The following RBFOX1 variants were observed in gnomAD, a reference collection of about 807,000 sequenced individuals.
RBFOX1 encodes the protein RNA binding protein fox-1 homolog 1.
A neutral mutation model predicts 57.7 loss-of-function variants in RBFOX1; 8 were observed. The observed-to-expected ratio is 0.14, with a 90% CI of 0.08 to 0.25. RBFOX1 has a LOEUF of 0.25. Among genes scored for constraint, RBFOX1 ranks in the 10% least tolerant of loss-of-function variants. RBFOX1 has a pLI of 1.00. For synonymous variants in RBFOX1, 326 were observed against 222.4 expected (o/e 1.47, Z -4.15); for missense variants, 611 against 548.5 (o/e 1.11, Z -1.14).
intron 1 of RBFOX1, among the ~76,000 whole-genome samples, chr16:6,129,619 G>C (rs193109117): frequency 6.6e-6 from 1 of 151,292 alleles, no homozygotes; most frequent in Non-Finnish European, 1.5e-5. Flanking sequence ...TGAAGTAAGC[G>C]GTGAAAATTT....
chr16:7,629,255 G>A (rs537858787), intron 10 of RBFOX1, among the ~76,000 whole-genome samples: 4 of 152,138 alleles, frequency 2.6e-5, no homozygotes, highest in Admixed American at 2.0e-4. Context: ...ACTGTCCCTT[G>A]ATGACATCAC....
At chr16:7,464,118 C>T (rs1466843042) in intron 4 of RBFOX1, among the ~76,000 whole-genome samples, 1 of 152,172 alleles carries the variant, frequency 6.6e-6, no homozygotes, top group Non-Finnish European at 1.5e-5. Context: ...TTGCCACTCC[C>T]TTCTGGTGCT....
At chr16:7,219,041 C>A (rs964006751) in intron 4 of RBFOX1, among the ~76,000 whole-genome samples, 2 of 152,154 alleles carry the variant, frequency 1.3e-5, no homozygotes, top group Middle Eastern at 3.2e-3. Flanking sequence ...CGGAGCCAGA[C>A]AAAGCACGCC....
At chr16:6,400,355 A>G (rs538811360) in intron 2 of RBFOX1, among the ~76,000 whole-genome samples, 2 of 152,348 alleles carry the variant, frequency 1.3e-5, no homozygotes, top group East Asian at 3.9e-4. Flanking sequence ...AATGACTCTC[A>G]CATTAATGCA....
chr16:7,331,292 A>T (rs184113031), intron 4 of RBFOX1, among the ~76,000 whole-genome samples: 3 of 152,202 alleles, frequency 2.0e-5, no homozygotes, highest in African/African-American at 7.2e-5. Flanking sequence ...AACAAAATCT[A>T]TATCAAGTGT....
chr16:5,981,982 C>G (rs2060183590), intron 4 of RBFOX1, among the ~76,000 whole-genome samples: 1 of 152,198 alleles, frequency 6.6e-6, no homozygotes, highest in Admixed American at 6.5e-5. Flanking sequence ...ATGAAAAACG[C>G]TTATCTAAAG....
intron 3 of RBFOX1, among the ~76,000 whole-genome samples, chr16:6,687,025 T>G (rs1213751362): frequency 6.6e-6 from 1 of 152,230 alleles, no homozygotes; most frequent in Non-Finnish European, 1.5e-5. Context: ...ATGGTTAAAC[T>G]CATTTCAGAA....
At chr16:5,330,507 A>G (rs74910323) in intron 1 of RBFOX1, among the ~76,000 whole-genome samples, 313 of 152,156 alleles carry the variant, frequency 2.1e-3, no homozygotes, top group African/African-American at 7.1e-3. Context: ...GGTTCGAGCA[A>G]TTCTCCTGCC....
chr16:6,923,938 G>A (rs2075028169), intron 3 of RBFOX1, among the ~76,000 whole-genome samples: 1 of 152,056 alleles, frequency 6.6e-6, no homozygotes, highest in African/African-American at 2.4e-5. Context: ...TGGAGGCTGA[G>A]TCAGGCAGAT....
intron 3 of RBFOX1, among the ~76,000 whole-genome samples, chr16:5,646,729 G>T (rs2049066055): frequency 6.6e-6 from 1 of 152,110 alleles, no homozygotes; most frequent in Non-Finnish European, 1.5e-5. Context: ...CTGTCTTCCA[G>T]GTTCACACCA....
intron 4 of RBFOX1, among the ~76,000 whole-genome samples, chr16:6,002,827 C>G (rs748479187): frequency 2.0e-5 from 3 of 152,164 alleles, no homozygotes; most frequent in Non-Finnish European, 4.4e-5. Flanking sequence ...GTGGGAAGAG[C>G]GTGGTTTGTG....
At chr16:7,410,692 A>G (rs887096847) in intron 4 of RBFOX1, among the ~76,000 whole-genome samples, 3 of 152,000 alleles carry the variant, frequency 2.0e-5, no homozygotes, top group African/African-American at 7.3e-5. Flanking sequence ...ACAAAACAAA[A>G]CAACAAAAAA....
intron 4 of RBFOX1, among the ~76,000 whole-genome samples, chr16:7,481,084 A>C (rs528841495): frequency 5.5e-4 from 83 of 152,270 alleles, no homozygotes; most frequent in African/African-American, 1.9e-3. Flanking sequence ...ATTGCTCCTT[A>C]CATCTGGACA....
chr16:6,836,689 G>T (rs1055314570), intron 3 of RBFOX1, among the ~76,000 whole-genome samples: 1 of 152,232 alleles, frequency 6.6e-6, no homozygotes, highest in Admixed American at 6.5e-5. Context: ...AATTTATCCT[G>T]TGTGGACTAT....
At chr16:6,497,766 A>C (rs556725067) in intron 2 of RBFOX1, among the ~76,000 whole-genome samples, 2 of 151,966 alleles carry the variant, frequency 1.3e-5, no homozygotes, top group African/African-American at 4.8e-5. Flanking sequence ...CATATTAGCC[A>C]GGCTGACCTC....
chr16:5,391,204 T>C lies in RBFOX1; in HGVS notation c.220-76012T>C, dbSNP rs568974611. Among the ~76,000 whole-genome samples the C allele has an allele frequency of 9.8e-5, 15 of 152,332 alleles. No homozygotes were observed. In the South Asian group the frequency reaches 3.1e-3, roughly 32 times the overall value. On this transcript the variant is annotated intron_variant, in intron 1 of 2. Coordinates refer to the RBFOX1 transcript ENST00000585867. ...TTAGTTTACTTGCAGCTGTAAAATATCACCCAAAACTTAACGGTTTAAAAC... is the reference window on the plus strand; with the variant it reads ...TTAGTTTACTTGCAGCTGTAAAATACCACCCAAAACTTAACGGTTTAAAAC...
intron 12 of RBFOX1, 140 bp downstream of exon 12, chr16:7,654,087 C>A: frequency 1.2e-6 from 1 of 851,646 alleles, no homozygotes; most frequent in Non-Finnish European, 1.7e-6. Flanking sequence ...AGCCCGGCCG[C>A]GCACCTGCAG....
intron 3 of RBFOX1, among the ~76,000 whole-genome samples, chr16:5,746,380 C>A (rs2052982077): frequency 6.6e-6 from 1 of 152,176 alleles, no homozygotes; most frequent in African/African-American, 2.4e-5. Context: ...CATGATGCTT[C>A]CAGCTTTGTT....
At chr16:7,156,258 G>A (rs1470937221) in intron 4 of RBFOX1, among the ~76,000 whole-genome samples, 1 of 142,486 alleles carries the variant, frequency 7.0e-6, no homozygotes, top group African/African-American at 2.7e-5. Flanking sequence ...GTATACATAT[G>A]TATGTGTACA....
Sources: allele counts gnomAD v4.1 joint callset (sites outside exome capture counted in the v4.1 genomes callset), GRCh38; gene constraint gnomAD v4.1.1; transcripts MANE v1.5; gene names NCBI Gene and HGNC (gene_info 2026-07-23, HGNC 2026-07-21).